TAFA2: variants seen among roughly 807,000 people sequenced by gnomAD.
TAFA2 encodes the protein chemokine-like protein TAFA-2.
TAFA2 carries 7 observed loss-of-function variants against 18.8 expected under a neutral mutation model. The ratio of observed to expected loss-of-function variants is 0.37; its 90% CI spans 0.21 to 0.70. TAFA2 has a LOEUF of 0.70. TAFA2 is among the 30% of genes least tolerant of loss of function. The probability of loss-of-function intolerance (pLI) is 0.53; values close to 1 mark genes in which losing one functional copy is unlikely to be tolerated. For missense variants in TAFA2, 122 were observed against 158.1 expected (o/e 0.77, Z 1.23); for synonymous variants, 60 against 54.2 (o/e 1.11, Z -0.47).
intron 1 of TAFA2, among the ~76,000 whole-genome samples, chr12:62,100,717 C>G (rs1869159541): frequency 6.6e-6 from 1 of 152,212 alleles, no homozygotes; most frequent in African/African-American, 2.4e-5. Context: ...CAGTGACTCA[C>G]TAATCTCATA....
chr12:62,103,602 G>A (rs1379077833), intron 1 of TAFA2, among the ~76,000 whole-genome samples: 20 of 152,174 alleles, frequency 1.3e-4, no homozygotes, highest in Admixed American at 1.3e-3. Context: ...TTAACCAGGT[G>A]TGATGGCGTA....
intron 1 of TAFA2, among the ~76,000 whole-genome samples, chr12:62,208,829 A>G (rs990958678): frequency 1.3e-5 from 2 of 152,194 alleles, no homozygotes; most frequent in African/African-American, 2.4e-5. Context: ...TAAGATTTTC[A>G]TAAGGGTTAC....
chr12:61,961,546 T>C (rs1032973191), intron 1 of TAFA2, among the ~76,000 whole-genome samples: 4 of 151,988 alleles, frequency 2.6e-5, no homozygotes, highest in Admixed American at 6.6e-5. Flanking sequence ...AAATTTAATG[T>C]CTATAAGGCA....
At chr12:62,116,421 A>G (rs946261246) in intron 1 of TAFA2, among the ~76,000 whole-genome samples, 11 of 152,194 alleles carry the variant, frequency 7.2e-5, no homozygotes, top group African/African-American at 2.7e-4. Context: ...CAGGTGTTCC[A>G]TTGCCATTAA....
At chr12:62,204,319 G>A (rs1326085217) in intron 1 of TAFA2, among the ~76,000 whole-genome samples, 5 of 151,920 alleles carry the variant, frequency 3.3e-5, no homozygotes, top group Non-Finnish European at 2.9e-5. Flanking sequence ...TGTGTCTTGG[G>A]GTTGATCTCC....
At position 62,154,781 on chromosome 12, in the gene TAFA2, C is replaced by T. The variant is rs180866696; in HGVS notation, c.-2+36478G>A. ...ACACATACACACACACAAACACACA[C>T]ATTGCTGACTCAAACAGGAGGAGTG... On this transcript the variant is annotated intron_variant, in intron 1 of 4. Coordinates refer to ENST00000416284, the MANE Select transcript of TAFA2 (RefSeq NM_178539.5). Among the ~76,000 whole-genome samples the T allele has an allele frequency of 1.8e-4, 27 of 152,254 alleles. No homozygotes were observed. The South Asian group carries it at 2.3e-3, about 13-fold the overall frequency.
chr12:61,913,133 G>A (rs111624318), intron 1 of TAFA2, among the ~76,000 whole-genome samples: 1 of 152,056 alleles, frequency 6.6e-6, no homozygotes, highest in Non-Finnish European at 1.5e-5. Context: ...TCTCAGTTTT[G>A]AGGCTATAGG....
At chr12:62,205,360 G>C (rs1456596093) in intron 1 of TAFA2, among the ~76,000 whole-genome samples, 1 of 152,248 alleles carries the variant, frequency 6.6e-6, no homozygotes, top group African/African-American at 2.4e-5. Context: ...CTTTGGCAGA[G>C]GGGGTGCACT....
intron 4 of TAFA2, among the ~76,000 whole-genome samples, chr12:61,746,714 T>C (rs895709937): frequency 6.6e-6 from 1 of 152,142 alleles, no homozygotes; most frequent in Non-Finnish European, 1.5e-5. Flanking sequence ...CCTATTAGAT[T>C]ACAGGCCTGA....
rs572080102 is a variant in TAFA2 at position 61,778,658 on chromosome 12, G to A, written c.107-23634C>T. Among the ~76,000 whole-genome samples, 50 of 151,964 alleles carry A rather than the reference G, an allele frequency of 3.3e-4. No individual in the cohort carries two copies. The East Asian group carries it at 8.6e-3, about 26-fold the overall frequency. ...ATGACATAGCTTGAAAACTGTATAG[G>A]AGACTGATCCAGGAAACAGGCTATG... On this transcript the variant is annotated intron_variant, in intron 2 of 4. Coordinates refer to ENST00000416284, the MANE Select transcript of TAFA2 (RefSeq NM_178539.5).
chr12:61,851,420 G>A (rs1873638589), intron 2 of TAFA2, among the ~76,000 whole-genome samples: 1 of 152,128 alleles, frequency 6.6e-6, no homozygotes, highest in Admixed American at 6.6e-5. Flanking sequence ...GGGAGAAGCT[G>A]CCCAAAGGAG....
At chr12:62,030,879 G>A (rs1314244060) in intron 1 of TAFA2, among the ~76,000 whole-genome samples, 1 of 152,106 alleles carries the variant, frequency 6.6e-6, no homozygotes, top group East Asian at 1.9e-4. Flanking sequence ...TTCAGAAGTA[G>A]GAGTAACGGG....
intron 1 of TAFA2, among the ~76,000 whole-genome samples, chr12:61,914,350 C>T (rs539369801): frequency 6.6e-6 from 1 of 152,262 alleles, no homozygotes; most frequent in South Asian, 2.1e-4. Flanking sequence ...GGAAGAGACC[C>T]AAAATATGGG....
At chr12:61,739,445 T>A (rs1592356731) in intron 4 of TAFA2, among the ~76,000 whole-genome samples, 1 of 152,086 alleles carries the variant, frequency 6.6e-6, no homozygotes, top group Admixed American at 6.6e-5. Flanking sequence ...AATAATTCTA[T>A]TATGATCTGT....
chr12:61,756,263 T>A (rs1869263500), intron 2 of TAFA2, among the ~76,000 whole-genome samples: 1 of 152,034 alleles, frequency 6.6e-6, no homozygotes, highest in Non-Finnish European at 1.5e-5. Flanking sequence ...CAATAGAACC[T>A]TCAAGAGGCA....
At chr12:61,891,403 T>G (rs1565671336) in intron 1 of TAFA2, among the ~76,000 whole-genome samples, 1 of 152,130 alleles carries the variant, frequency 6.6e-6, no homozygotes, top group Non-Finnish European at 1.5e-5. Context: ...TCCCAACAGT[T>G]TGGGAGGCCG....
chr12:62,061,729 A>G (rs773365862), intron 1 of TAFA2, among the ~76,000 whole-genome samples: 10 of 152,266 alleles, frequency 6.6e-5, no homozygotes, highest in Non-Finnish European at 1.3e-4. Flanking sequence ...AAACTATACT[A>G]TGCCTAAGGA....
At chr12:62,139,214 G>A (rs182139110) in intron 1 of TAFA2, among the ~76,000 whole-genome samples, 2 of 152,130 alleles carry the variant, frequency 1.3e-5, no homozygotes, top group Non-Finnish European at 2.9e-5. Context: ...TAATACTCCT[G>A]AAAAAACTAA....
At chr12:62,244,305 A>T (rs1035977213) in intron 1 of TAFA2, among the ~76,000 whole-genome samples, 3 of 150,760 alleles carry the variant, frequency 2.0e-5, no homozygotes, top group Non-Finnish European at 4.4e-5. Context: ...TATATAAATC[A>T]TGCCACATAT....
Sources: allele counts gnomAD v4.1 joint callset (sites outside exome capture counted in the v4.1 genomes callset), GRCh38; gene constraint gnomAD v4.1.1; transcripts MANE v1.5; gene names NCBI Gene and HGNC (gene_info 2026-07-23, HGNC 2026-07-21).